PIBF1: variants seen among roughly 807,000 people sequenced by gnomAD.
PIBF1 encodes progesterone immunomodulatory binding factor 1, also known as progesterone-induced-blocking factor 1.
In PIBF1, 90 loss-of-function variants were observed where a neutral mutation model predicts 112.5. The observed-to-expected ratio is 0.80, with a 90% CI of 0.67 to 0.95. The LOEUF (loss-of-function observed/expected upper bound fraction) is 0.95. Among genes scored for constraint, PIBF1 ranks in the 40% least tolerant of loss-of-function variants. The pLI, the probability that PIBF1 is intolerant of heterozygous loss-of-function variation, is 0.00. For synonymous variants in PIBF1, 301 were observed against 288.6 expected, an observed-to-expected ratio of 1.04 and a Z score of -0.44; for missense variants, 915 against 852.3, an observed-to-expected ratio of 1.07 and a Z score of -0.92.
chr13:72,917,592 A>T (rs993791102), intron 13 of PIBF1, among the ~76,000 whole-genome samples: 1 of 152,174 alleles, frequency 6.6e-6, no homozygotes, highest in African/African-American at 2.4e-5. Flanking sequence ...TGAAACTATG[A>T]AAGGCTTTAC....
intron 5 of PIBF1, among the ~76,000 whole-genome samples, chr13:72,800,589 G>A (rs1052951103): frequency 6.6e-6 from 1 of 151,980 alleles, no homozygotes; most frequent in Non-Finnish European, 1.5e-5. Flanking sequence ...TACCACACGT[G>A]GTCATATTAT....
At chr13:72,988,678 AATG>A (rs1488909832) in intron 16 of PIBF1, among the ~76,000 whole-genome samples, 2 of 152,224 alleles carry the variant, frequency 1.3e-5, no homozygotes, top group African/African-American at 4.8e-5. Context: ...TAAATAGGAT[AATG>A]ATATTTTGCT....
At chr13:72,953,376 T>G (rs922069398) in intron 14 of PIBF1, among the ~76,000 whole-genome samples, 20 of 152,214 alleles carry the variant, frequency 1.3e-4, no homozygotes, top group African/African-American at 4.8e-4. Flanking sequence ...CACTCCCCCT[T>G]TACCTGGAGG....
intron 16 of PIBF1, among the ~76,000 whole-genome samples, chr13:72,982,094 T>G (rs1047168202): frequency 6.6e-6 from 1 of 152,222 alleles, no homozygotes. Flanking sequence ...ACTCAATGAA[T>G]GTAGTTCCCT....
At chr13:72,876,603 C>T (rs1194663234) in intron 10 of PIBF1, among the ~76,000 whole-genome samples, 4 of 152,024 alleles carry the variant, frequency 2.6e-5, no homozygotes, top group African/African-American at 7.2e-5. Flanking sequence ...ATTGTCTTAT[C>T]GGAGTTTTTA....
chr13:72,997,043 A>G (rs1594342486), intron 16 of PIBF1, among the ~76,000 whole-genome samples: 1 of 152,176 alleles, frequency 6.6e-6, no homozygotes, highest in East Asian at 1.9e-4. Context: ...TGATCTTAGG[A>G]TAAAGCAAAG....
At chr13:72,863,151 G>A (rs7994256) in intron 10 of PIBF1, among the ~76,000 whole-genome samples, 112,400 of 151,196 alleles carry the variant, frequency 0.74, 42,134 homozygotes, top group African/African-American at 0.82. Context: ...CTACCAGAGG[G>A]AGGAAAAAGA....
chr13:72,928,030 T>TATACATATATATAC (rs1566458743), intron 13 of PIBF1, among the ~76,000 whole-genome samples: 9 of 108,868 alleles, frequency 8.3e-5, no homozygotes, highest in African/African-American at 2.4e-4. Context: ...TATATACATA[T>TATACATATATATAC]ATATATATAT....
intron 9 of PIBF1, among the ~76,000 whole-genome samples, chr13:72,842,699 C>G (rs2138248559): frequency 6.6e-6 from 1 of 152,256 alleles, no homozygotes; most frequent in South Asian, 2.1e-4. Flanking sequence ...AGCAAACAAA[C>G]AAACTTCTTT....
intron 14 of PIBF1, among the ~76,000 whole-genome samples, chr13:72,935,924 A>T (rs998441575): frequency 6.6e-6 from 1 of 152,040 alleles, no homozygotes; most frequent in African/African-American, 2.4e-5. Context: ...TATATATCCT[A>T]AATACAAGTC....
Position 72,908,650 on chromosome 13 carries a change from G to A in PIBF1, c.1608G>A (p.Glu536=), listed in dbSNP as rs1456586171. The A allele has an allele frequency of 1.2e-6, 2 of 1,613,150 alleles. No homozygotes were observed. Among genetic ancestry groups the A allele is most frequent in the South Asian group, 1.1e-5 (1 of 90,992 alleles). Residue 536 remains glutamate, a synonymous_variant, in exon 12 of 18, where the codon GAG becomes GAA. Transcript: ENST00000326291. ...ACATTTATGAGAAACTGGAAAAAGA[G>A]CTTGATGAAATAATAATGCAAACTG... ...RLDIYEKLEK[E]LDEIIMQTAE...
intron 15 of PIBF1, among the ~76,000 whole-genome samples, chr13:72,966,476 A>G (rs1169932563): frequency 6.6e-6 from 1 of 152,190 alleles, no homozygotes; most frequent in African/African-American, 2.4e-5. Flanking sequence ...TAATAAATTA[A>G]TTGTTCTATA....
At chr13:72,790,463 A>T (rs1306376780) in intron 2 of PIBF1, among the ~76,000 whole-genome samples, 2 of 144,270 alleles carry the variant, frequency 1.4e-5, no homozygotes, top group Non-Finnish European at 3.0e-5. Flanking sequence ...ACACACACAC[A>T]CTTATAGATA....
At chr13:72,894,227 A>G (rs527584225) in intron 11 of PIBF1, among the ~76,000 whole-genome samples, 2 of 152,228 alleles carry the variant, frequency 1.3e-5, no homozygotes, top group African/African-American at 4.8e-5. Flanking sequence ...TGCAGAATGT[A>G]TACGAAGAAA....
intron 1 of PIBF1, among the ~76,000 whole-genome samples, chr13:72,782,963 G>A (rs1490668586): frequency 6.6e-6 from 1 of 151,482 alleles, no homozygotes; most frequent in Non-Finnish European, 1.5e-5. Context: ...ACTTGGCTTT[G>A]TTTTTTTACT....
Position 72,953,569 on chromosome 13 carries a change from G to C in PIBF1, c.1834-11705G>C, listed in dbSNP as rs184047286. ...GTAGGAGAGGAGTGACGTAGACTCT[G>C]AGATTTCCTTAGTTACAAATAACCT... On this transcript the variant is annotated intron_variant, in intron 14 of 17. Coordinates refer to ENST00000326291, the MANE Select transcript of PIBF1 (RefSeq NM_006346.4). 7.5e-3 allele frequency among the ~76,000 whole-genome samples: 1,136 copies of C among 152,302 alleles called. 5 individuals carry two copies. The highest frequency in any genetic ancestry group is 0.016 in the South Asian group (75 of 4,830).
intron 16 of PIBF1, among the ~76,000 whole-genome samples, chr13:72,989,055 A>G (rs904422855): frequency 6.6e-6 from 1 of 152,148 alleles, no homozygotes; most frequent in Non-Finnish European, 1.5e-5. Flanking sequence ...AGAAAAAGAA[A>G]TTATCTGAGA....
At chr13:72,987,850 ATTTATTTAT>A (rs1406638976) in intron 16 of PIBF1, among the ~76,000 whole-genome samples, 3 of 66,440 alleles carry the variant, frequency 4.5e-5, no homozygotes, top group African/African-American at 2.0e-4. Flanking sequence ...TTATTTATTT[ATTTATTTAT>A]TTTTTTTTTT....
chr13:72,972,772 C>A (rs1283373350), intron 15 of PIBF1, among the ~76,000 whole-genome samples: 1 of 152,050 alleles, frequency 6.6e-6, no homozygotes, highest in Non-Finnish European at 1.5e-5. Context: ...GCCACCATGC[C>A]AGGCCAGAAA....
Sources: gnomAD v4.1 joint callset for allele counts (sites outside exome capture counted in the v4.1 genomes callset) on GRCh38, gnomAD v4.1.1 for gene constraint, MANE v1.5 for transcripts, NCBI Gene and HGNC (gene_info 2026-07-23, HGNC 2026-07-21) for gene names.